Variants in KALRN observed in about 807,000 individuals in gnomAD.
KALRN encodes the protein kalirin RhoGEF kinase, also known as kalirin.
A neutral mutation model predicts 353.7 loss-of-function variants in KALRN; 70 were observed. The observed-to-expected ratio is 0.20, with a 90% CI of 0.16 to 0.24. KALRN has a LOEUF of 0.24. Among genes scored for constraint, KALRN ranks in the 10% least tolerant of loss-of-function variants. KALRN has a pLI of 1.00. For missense variants in KALRN, 2,791 were observed against 3,756.7 expected (o/e 0.74, Z 6.72); for synonymous variants, 1,391 against 1,434.8 (o/e 0.97, Z 0.69).
At chr3:124,466,943 G>A (rs2060402693) in intron 25 of KALRN, among the ~76,000 whole-genome samples, 1 of 152,178 alleles carries the variant, frequency 6.6e-6, no homozygotes, top group Non-Finnish European at 1.5e-5. Context: ...TGTCATTCTT[G>A]TGCCACACCC....
At chr3:124,710,540 C>T (rs1443530455) in intron 57 of KALRN, among the ~76,000 whole-genome samples, 1 of 152,208 alleles carries the variant, frequency 6.6e-6, no homozygotes, top group African/African-American at 2.4e-5. Flanking sequence ...AAGCCCAGCA[C>T]TTTGGGAGGC....
At chr3:124,539,922 T>TGGGG (rs35035103) in intron 33 of KALRN, among the ~76,000 whole-genome samples, 3 of 132,006 alleles carry the variant, frequency 2.3e-5, no homozygotes, top group East Asian at 2.0e-4. Flanking sequence ...TAATTTTTTT[T>TGGGG]GGGGGGGGGG....
At chr3:124,658,112 C>T (rs1204459206) in intron 41 of KALRN, among the ~76,000 whole-genome samples, 2 of 152,086 alleles carry the variant, frequency 1.3e-5, no homozygotes, top group Admixed American at 1.3e-4. Flanking sequence ...CCATGATGGC[C>T]CCACCCTGCA....
At position 124,277,290 on chromosome 3, in the gene KALRN, C is replaced by G. The variant is rs555998165; in HGVS notation, c.969+8035C>G. Among the ~76,000 whole-genome samples the G allele has an allele frequency of 3.0e-4, 45 of 152,220 alleles. 1 individual carries two copies. The South Asian group carries it at 9.4e-3, about 32-fold the overall frequency. ...TTTACGGGGTGGTTGTAATTTCCTG[C>G]TTTTTTTGGAGAAAGGCTCCGGTGC... On this transcript the variant is annotated intron_variant, in intron 5 of 59. Coordinates refer to ENST00000682506, the MANE Select transcript of KALRN (RefSeq NM_001388419.1).
At chr3:124,305,301 G>T (rs2077596476) in intron 6 of KALRN, among the ~76,000 whole-genome samples, 2 of 152,168 alleles carry the variant, frequency 1.3e-5, no homozygotes, top group Non-Finnish European at 2.9e-5. Flanking sequence ...AGATCCATTG[G>T]CGACATAGGC....
At chr3:124,192,605 A>T (rs2075042930) in intron 1 of KALRN, among the ~76,000 whole-genome samples, 1 of 152,214 alleles carries the variant, frequency 6.6e-6, no homozygotes. Context: ...ATTTCACGTT[A>T]CATGCCTGTA....
chr3:124,192,901 G>T (rs977317633), intron 1 of KALRN, among the ~76,000 whole-genome samples: 2 of 152,196 alleles, frequency 1.3e-5, no homozygotes, highest in African/African-American at 4.8e-5. Context: ...TGTTATGGAA[G>T]CCCTAGCAAA....
chr3:124,569,556 A>T (rs2073286928), intron 34 of KALRN, among the ~76,000 whole-genome samples: 1 of 152,226 alleles, frequency 6.6e-6, no homozygotes, highest in South Asian at 2.1e-4. Flanking sequence ...TCTTAAAAAG[A>T]TTAGGTAATA....
chr3:124,283,583 G>T (rs925660095), intron 5 of KALRN, among the ~76,000 whole-genome samples: 2 of 152,130 alleles, frequency 1.3e-5, no homozygotes, highest in Non-Finnish European at 2.9e-5. Flanking sequence ...CCACAGGAGG[G>T]TAATGAGTGT....
intron 33 of KALRN, chr3:124,519,115 C>T (rs1381649356): frequency 2.0e-6 from 2 of 985,612 alleles, no homozygotes; most frequent in Non-Finnish European, 2.4e-6. Context: ...TCCTCCATAA[C>T]CTCACTCCCT....
chr3:124,083,207 A>G (rs987931829), intron 1 of KALRN, among the ~76,000 whole-genome samples: 3 of 152,232 alleles, frequency 2.0e-5, no homozygotes, highest in Admixed American at 6.5e-5. Context: ...TATTCAGCAC[A>G]TATTTATTGA....
Position 124,679,530 on chromosome 3 carries a change from ATTG to A in KALRN, c.7377+18_7377+20del, listed in dbSNP as rs986000413. ...TACTAGCATGGAGGTAGAAGCAGCT[ATTG>A]TTGTCCTATTTCCTACAATGATTGC... On this transcript the variant is annotated intron_variant, in intron 51 of 59. Coordinates refer to ENST00000682506, the MANE Select transcript of KALRN (RefSeq NM_001388419.1). 16 of 1,608,278 alleles carry A rather than the reference ATTG, an allele frequency of 9.9e-6. No individual in the cohort carries two copies. Among genetic ancestry groups the A allele is most frequent in the Non-Finnish European group, 1.4e-5 (16 of 1,174,554 alleles).
chr3:124,179,540 A>G (rs1651879853), intron 1 of KALRN, among the ~76,000 whole-genome samples: 1 of 152,252 alleles, frequency 6.6e-6, no homozygotes, highest in African/African-American at 2.4e-5. Flanking sequence ...TTTAGCAAAT[A>G]TATAAACAAG....
Position 124,664,454 on chromosome 3 carries a change from A to G in KALRN, c.6346-1995A>G, listed in dbSNP as rs1172402999. On this transcript the variant is annotated intron_variant, in intron 45 of 59. Coordinates refer to ENST00000682506, the MANE Select transcript of KALRN (RefSeq NM_001388419.1). ...GAGATGGAGTCTTGCTCTGTCGCCC[A>G]GGCTGGAGTACAGTGGCATGATCTC... 3.4e-5 allele frequency among the ~76,000 whole-genome samples: 5 copies of G among 147,514 alleles called. No homozygotes were observed. The Admixed American group carries it at 3.4e-4, about 10-fold the overall frequency.
intron 34 of KALRN, among the ~76,000 whole-genome samples, chr3:124,597,456 G>T (rs148158807): frequency 6.6e-6 from 1 of 152,224 alleles, no homozygotes; most frequent in South Asian, 2.1e-4. Flanking sequence ...ATAGCAGCCT[G>T]GGATGATCTG....
intron 5 of KALRN, among the ~76,000 whole-genome samples, chr3:124,274,114 A>G (rs2074449734): frequency 6.6e-6 from 1 of 152,138 alleles, no homozygotes; most frequent in Non-Finnish European, 1.5e-5. Context: ...GGTGAGTGCT[A>G]CTCAGTGGAA....
At chr3:124,371,279 T>C (rs1489453067) in intron 10 of KALRN, among the ~76,000 whole-genome samples, 1 of 152,230 alleles carries the variant, frequency 6.6e-6, no homozygotes, top group African/African-American at 2.4e-5. Flanking sequence ...TATGAACTTT[T>C]TGAAGACCCT....
At chr3:124,630,736 A>G (rs999243180) in intron 34 of KALRN, among the ~76,000 whole-genome samples, 8 of 152,248 alleles carry the variant, frequency 5.3e-5, no homozygotes, top group Admixed American at 2.0e-4. Flanking sequence ...ATGAAATGAT[A>G]GTCCACATAA....
intron 1 of KALRN, among the ~76,000 whole-genome samples, chr3:124,057,195 T>C (rs1349859034): frequency 6.6e-6 from 1 of 152,166 alleles, no homozygotes; most frequent in East Asian, 1.9e-4. Flanking sequence ...CAGGACCATA[T>C]CCTGTACTTT....
Sources: gnomAD v4.1 joint callset for allele counts (sites outside exome capture counted in the v4.1 genomes callset) on GRCh38, gnomAD v4.1.1 for gene constraint, MANE v1.5 for transcripts, NCBI Gene and HGNC (gene_info 2026-07-23, HGNC 2026-07-21) for gene names.